The following NWD1 variants were observed in gnomAD, a reference collection of about 807,000 sequenced individuals.
NWD1 encodes the protein NACHT domain- and WD repeat-containing protein 1.
Under a neutral mutation model 135.1 loss-of-function variants are expected in NWD1, and 129 were observed. That is an observed-to-expected ratio of 0.96 (90% CI 0.83 to 1.11). NWD1 has a LOEUF of 1.11. NWD1 is among the 50% of genes least tolerant of loss of function. NWD1 has a pLI of 0.00. For missense variants in NWD1, 1,740 were observed against 1,851.3 expected, an observed-to-expected ratio of 0.94 and a Z score of 1.10; for synonymous variants, 773 against 786.0, an observed-to-expected ratio of 0.98 and a Z score of 0.28.
At position 16,791,582 on chromosome 19, in the gene NWD1, G is replaced by A. The variant is rs758751443; in HGVS notation, c.3173G>A (p.Gly1058Glu). The A allele has an allele frequency of 6.2e-7, 1 of 1,614,194 alleles. No homozygotes were observed. The highest frequency in any genetic ancestry group is 8.5e-7 in the Non-Finnish European group (1 of 1,180,034). The change falls in exon 14 of 19, where the codon GGA becomes GAA. Residue 1058 changes from glycine (G) to glutamate (E), a missense_variant. Transcript: ENST00000524140. The part of the protein sequence containing the change: ...PTCAVSVQKQ[G>E]KLVTGFSNGS... ...TGTGCCGTCTCAGTCCAGAAGCAAG[G>A]AAAGCTTGTTACCGGGTTTAGCAAT...
At chr19:16,806,532 C>G (rs1395019743) in intron 17 of NWD1, among the ~76,000 whole-genome samples, 3 of 152,032 alleles carry the variant, frequency 2.0e-5, no homozygotes, top group Admixed American at 1.3e-4. Context: ...ATAGCCTGGG[C>G]AACATGGTAA....
intron 17 of NWD1, among the ~76,000 whole-genome samples, chr19:16,804,152 G>A (rs1357419926): frequency 6.6e-6 from 1 of 152,114 alleles, no homozygotes; most frequent in Non-Finnish European, 1.5e-5. Flanking sequence ...GGGGGAAAGG[G>A]TTGAGCAAGA....
chr19:16,795,096 T>A lies in NWD1; in HGVS notation c.3304+543T>A, dbSNP rs559019073. On this transcript the variant is annotated intron_variant, in intron 15 of 18. Coordinates refer to ENST00000524140, the MANE Select transcript of NWD1 (RefSeq NM_001007525.5). ...ATTGCGCCCAGCCCTTTCTTTCCTT[T>A]TGATGCAGGATTTTTCTTGGCCTCT... Among the ~76,000 whole-genome samples, 3 of 152,358 alleles carry A rather than the reference T, an allele frequency of 2.0e-5. No individual in the cohort carries two copies. In the South Asian group the frequency reaches 6.2e-4, roughly 32 times the overall value.
At chr19:16,743,548 C>T (rs1200119430) in intron 4 of NWD1, among the ~76,000 whole-genome samples, 1 of 151,896 alleles carries the variant, frequency 6.6e-6, no homozygotes, top group African/African-American at 2.4e-5. Context: ...CTTCTGGTGG[C>T]TCCAGGCTAT....
intron 15 of NWD1, 62 bp downstream of exon 15, chr19:16,794,615 G>A (rs1478683300): frequency 8.6e-7 from 1 of 1,159,300 alleles, no homozygotes; most frequent in South Asian, 1.3e-5. Context: ...TGGAGAAGGG[G>A]GTGGGGCTTG....
In NWD1 at chr19:16,750,137, C is replaced by G. The variant is rs1968513208; in HGVS notation, c.1495C>G (p.Gln499Glu). ...GGAGGTGAAGCCCCTTTCCGGAAAC[C>G]AAGGCCAGCAGATGATCCAACTCCT... ...YWEVKPLSGNQGQQMIQLLLA... is the reference protein window; with the variant it reads ...YWEVKPLSGNEGQQMIQLLLA... Residue 499 changes from glutamine to glutamate, a missense_variant, in exon 6 of 19, where the codon CAA becomes GAA. Transcript: ENST00000524140. The G allele has an allele frequency of 1.9e-6, 3 of 1,613,958 alleles. No homozygotes were observed. The highest frequency in any genetic ancestry group is 2.5e-6 in the Non-Finnish European group (3 of 1,180,008).
intron 8 of NWD1, 132 bp downstream of exon 8, chr19:16,762,270 A>G: frequency 1.7e-6 from 1 of 603,400 alleles, no homozygotes; most frequent in South Asian, 1.9e-5. Context: ...AGAGGGCAAG[A>G]TGTCCCTTCT....
intron 6 of NWD1, among the ~76,000 whole-genome samples, chr19:16,756,671 A>C (rs1968810526): frequency 6.6e-6 from 1 of 151,964 alleles, no homozygotes; most frequent in African/African-American, 2.4e-5. Flanking sequence ...TAGTGGGTGG[A>C]GGCTTGGGTG....
rs1568340032 is a variant in NWD1 at position 16,738,750 on chromosome 19, A to ATATAT, written c.198+2001_198+2005dup. 2.7e-4 allele frequency among the ~76,000 whole-genome samples: 37 copies of ATATAT among 135,494 alleles called. 1 individual carries two copies. The highest frequency in any genetic ancestry group is 1.1e-3 in the African/African-American group (36 of 32,210). 88.9% of individuals were successfully genotyped at this position (135,494 alleles called of 152,430 possible). A position where few individuals can be genotyped will look rare whatever the true frequency, so the allele number is the denominator to read the frequency against. On this transcript the variant is annotated intron_variant, in intron 4 of 18. Transcript: ENST00000524140. ...ATAATCTATATATAATATATATATT[A>ATATAT]TATATATATAATATAATGATATATA...
chr19:16,801,052 C>T (rs1970588459), intron 17 of NWD1, among the ~76,000 whole-genome samples: 2 of 151,984 alleles, frequency 1.3e-5, no homozygotes, highest in Admixed American at 6.6e-5. Flanking sequence ...CCAAGGCAGG[C>T]AGATCACTTG....
Position 16,750,244 on chromosome 19 carries a change from G to T in NWD1, c.1602G>T (p.Gly534=). The change falls in exon 6 of 19, where the codon GGG becomes GGT. Residue 534 remains glycine, a synonymous_variant. Transcript: ENST00000524140. ...GCCTCCCAGAGTGTGGGAACCCAGGGCGGCTGAGGCTGGCGTTTGAGGAAG... is the reference window on the plus strand; with the variant it reads ...GCCTCCCAGAGTGTGGGAACCCAGGTCGGCTGAGGCTGGCGTTTGAGGAAG... ...WASLPECGNP[G]RLRLAFEEAR... The T allele has an allele frequency of 6.2e-7, 1 of 1,613,610 alleles. No homozygotes were observed. Among genetic ancestry groups the T allele is most frequent in the Non-Finnish European group, 8.5e-7 (1 of 1,179,882 alleles).
At chr19:16,809,815 A>G (rs1161599567) in intron 18 of NWD1, among the ~76,000 whole-genome samples, 1 of 151,386 alleles carries the variant, frequency 6.6e-6, no homozygotes, top group African/African-American at 2.4e-5. Context: ...CCTTGGCCTC[A>G]CAAAGTGCTG....
chr19:16,722,984 G>T (rs1456984213), intron 1 of NWD1, among the ~76,000 whole-genome samples: 2 of 152,040 alleles, frequency 1.3e-5, no homozygotes, highest in Non-Finnish European at 2.9e-5. Context: ...CAACTTCACT[G>T]GGAGGGGACG....
intron 4 of NWD1, among the ~76,000 whole-genome samples, chr19:16,742,109 T>C (rs1968109211): frequency 6.6e-6 from 1 of 150,608 alleles, no homozygotes; most frequent in Admixed American, 6.6e-5. Flanking sequence ...GCGCAGTGGC[T>C]CATGCCTGTA....
chr19:16,757,565 C>T (rs999726431), intron 6 of NWD1, among the ~76,000 whole-genome samples: 21 of 152,212 alleles, frequency 1.4e-4, no homozygotes, highest in African/African-American at 3.9e-4. Context: ...TAGGCTCAAA[C>T]GCAAGCCTGA....
chr19:16,770,703 G>A (rs542339161), intron 10 of NWD1, among the ~76,000 whole-genome samples: 18 of 152,166 alleles, frequency 1.2e-4, no homozygotes, highest in African/African-American at 2.4e-4. Context: ...AAGAGTACGC[G>A]CATCAGTTCA....
chr19:16,757,917 T>A (rs192022152), intron 6 of NWD1, among the ~76,000 whole-genome samples: 13 of 152,080 alleles, frequency 8.5e-5, no homozygotes, highest in Admixed American at 4.6e-4. Context: ...CCGGGCGTGG[T>A]GGTGCACACC....
At chr19:16,756,368 G>A (rs1237645642) in intron 6 of NWD1, among the ~76,000 whole-genome samples, 2 of 152,202 alleles carry the variant, frequency 1.3e-5, no homozygotes, top group South Asian at 2.1e-4. Flanking sequence ...AGGAAGAGGA[G>A]GAAGAGGGGA....
Position 16,800,259 on chromosome 19 carries a change from C to T in NWD1, c.3736+97C>T, listed in dbSNP as rs1970563813. 9 of 1,247,112 alleles carry T rather than the reference C, an allele frequency of 7.2e-6. No individual in the cohort carries two copies. In the East Asian group the frequency reaches 1.9e-4, roughly 26 times the overall value. 77.3% of individuals were successfully genotyped at this position (1,247,112 alleles called of 1,614,324 possible). On this transcript the variant is annotated intron_variant, in intron 17 of 18. Coordinates refer to ENST00000524140, the MANE Select transcript of NWD1 (RefSeq NM_001007525.5). Reference sequence around the variant, plus strand: ...TAACAAATCATCCCCACAGGCTGGGCCCCATGGCTCACGCCTGTAATCCCA... The same window carrying T: ...TAACAAATCATCCCCACAGGCTGGGTCCCATGGCTCACGCCTGTAATCCCA...
Sources: gnomAD v4.1 joint callset for allele counts (sites outside exome capture counted in the v4.1 genomes callset) on GRCh38, gnomAD v4.1.1 for gene constraint, MANE v1.5 for transcripts, NCBI Gene and HGNC (gene_info 2026-07-23, HGNC 2026-07-21) for gene names.